YWHAZ: variants seen among roughly 807,000 people sequenced by gnomAD.
YWHAZ encodes the protein 14-3-3 protein zeta/delta.
For missense variants in YWHAZ, 79 were observed against 284.8 expected, an observed-to-expected ratio of 0.28 and a Z score of 5.20; for synonymous variants, 87 against 103.6, an observed-to-expected ratio of 0.84 and a Z score of 0.97.
At chr8:100,941,041 A>G (rs527332411) in intron 2 of YWHAZ, among the ~76,000 whole-genome samples, 8 of 152,352 alleles carry the variant, frequency 5.3e-5, no homozygotes, top group Non-Finnish European at 1.2e-4. Flanking sequence ...ACTCTTACAA[A>G]AAGCAGATTG....
At chr8:100,923,371 A>G (rs1813159272) in intron 5 of YWHAZ, 1 of 152,250 alleles carries the variant, frequency 6.6e-6, no homozygotes, top group African/African-American at 2.4e-5. Flanking sequence ...CCCAATTCAA[A>G]TAACTTAAAA....
chr8:100,934,292 C>T (rs1230369962), intron 2 of YWHAZ, among the ~76,000 whole-genome samples: 1 of 150,274 alleles, frequency 6.7e-6, no homozygotes. Flanking sequence ...CACCACTGCA[C>T]TCCAGCATGG....
intron 2 of YWHAZ, among the ~76,000 whole-genome samples, chr8:100,925,539 A>T (rs754990334): frequency 1.6e-4 from 24 of 152,226 alleles, no homozygotes; most frequent in Non-Finnish European, 3.4e-4. Flanking sequence ...TTCATTTATA[A>T]CAACACAATT....
At chr8:100,939,411 C>T (rs1814449066) in intron 2 of YWHAZ, among the ~76,000 whole-genome samples, 1 of 152,072 alleles carries the variant, frequency 6.6e-6, no homozygotes, top group South Asian at 2.1e-4. Flanking sequence ...TGTAATCAAT[C>T]CCACTTTGGA....
At chr8:100,935,988 AGGGT>A (rs1814120891) in intron 2 of YWHAZ, among the ~76,000 whole-genome samples, 1 of 152,192 alleles carries the variant, frequency 6.6e-6, no homozygotes, top group South Asian at 2.1e-4. Context: ...TTATAAACTA[AGGGT>A]CCTTAGACCA....
At chr8:100,952,159 G>A (rs556362271), upstream of YWHAZ, 1 of 985,336 alleles carries the variant, frequency 1.0e-6, no homozygotes, top group Non-Finnish European at 1.2e-6. Context: ...TGCCCACAGC[G>A]ATCGGGGCCC....
chr8:100,927,415 T>C (rs1012430652), intron 2 of YWHAZ, among the ~76,000 whole-genome samples: 16 of 152,192 alleles, frequency 1.1e-4, no homozygotes, highest in African/African-American at 3.4e-4. Flanking sequence ...TCCCAGCTAC[T>C]TGGAAGGCTG....
intron 2 of YWHAZ, among the ~76,000 whole-genome samples, chr8:100,935,899 G>C (rs1041104940): frequency 1.3e-5 from 2 of 152,068 alleles, no homozygotes; most frequent in Admixed American, 6.6e-5. Flanking sequence ...CTAACATAAT[G>C]AATTTCCCAC....
At position 100,948,956 on chromosome 8, in the gene YWHAZ, C is replaced by T. The variant is rs1376272938; in HGVS notation, c.-11-56G>A. 1 of 1,511,860 alleles carries T rather than the reference C, an allele frequency of 6.6e-7. No individual in the cohort carries two copies. The allele number at this position is 1,511,860 out of a possible 1,614,324, so 93.7% of individuals were successfully genotyped here. A position where few individuals can be genotyped will look rare whatever the true frequency, so the allele number is the denominator to read the frequency against. On this transcript the variant is annotated intron_variant, in intron 1 of 5. Coordinates refer to ENST00000395958, the MANE Select transcript of YWHAZ (RefSeq NM_145690.3). The surrounding 1 kb of genome is among the most constrained non-coding windows in gnomAD (Gnocchi z 4.2). ...TTTTTCCCATCAAAATAAACAGACT[C>T]AAAATTATACCTGTGGTAAATGAGT...
At chr8:100,937,029 A>G (rs1481127253) in intron 2 of YWHAZ, among the ~76,000 whole-genome samples, 1 of 152,170 alleles carries the variant, frequency 6.6e-6, no homozygotes, top group African/African-American at 2.4e-5. Flanking sequence ...CAGTAAAACA[A>G]TTTGCTAAAT....
intron 2 of YWHAZ, among the ~76,000 whole-genome samples, chr8:100,937,125 A>T (rs1814205120): frequency 6.6e-6 from 1 of 152,204 alleles, no homozygotes; most frequent in Admixed American, 6.5e-5. Flanking sequence ...AGTTATTAAC[A>T]TGTGGACAAT....
intron 2 of YWHAZ, among the ~76,000 whole-genome samples, chr8:100,931,607 G>A (rs1370763010): frequency 1.3e-5 from 2 of 152,024 alleles, no homozygotes; most frequent in Non-Finnish European, 2.9e-5. Context: ...TTACACAATA[G>A]CTAATCTTTA....
intron 2 of YWHAZ, among the ~76,000 whole-genome samples, chr8:100,925,579 C>T (rs114625990): frequency 1.2e-3 from 180 of 152,146 alleles, no homozygotes; most frequent in African/African-American, 4.0e-3. Flanking sequence ...ATAAAAAAAC[C>T]GTTCAAAAGT....
chr8:100,931,671 A>C (rs1221477131), intron 2 of YWHAZ, among the ~76,000 whole-genome samples: 1 of 152,170 alleles, frequency 6.6e-6, no homozygotes, highest in East Asian at 1.9e-4. Context: ...GGTCTAAATG[A>C]ACATATAAAC....
upstream of YWHAZ, chr8:100,952,086 C>T: frequency 1.0e-6 from 1 of 987,222 alleles, no homozygotes; most frequent in Non-Finnish European, 1.2e-6. Flanking sequence ...AATCACCAGC[C>T]CCGGCAGCAG....
At chr8:100,927,041 C>T (rs1813412145) in intron 2 of YWHAZ, among the ~76,000 whole-genome samples, 1 of 152,148 alleles carries the variant, frequency 6.6e-6, no homozygotes, top group South Asian at 2.1e-4. Flanking sequence ...GTTATCTCAC[C>T]TGTAAGGCAG....
At chr8:100,929,715 A>G (rs2130173677) in intron 2 of YWHAZ, among the ~76,000 whole-genome samples, 1 of 152,344 alleles carries the variant, frequency 6.6e-6, no homozygotes, top group Middle Eastern at 3.4e-3. Context: ...AAAAGAGGCA[A>G]TTAAGTATGT....
At chr8:100,946,549 C>G (rs1355078897) in intron 2 of YWHAZ, among the ~76,000 whole-genome samples, 1 of 151,932 alleles carries the variant, frequency 6.6e-6, no homozygotes, top group Non-Finnish European at 1.5e-5. Flanking sequence ...AAAACTCAGT[C>G]TCAAAACAAA....
At chr8:100,928,232 A>T (rs1813503371) in intron 2 of YWHAZ, among the ~76,000 whole-genome samples, 1 of 152,018 alleles carries the variant, frequency 6.6e-6, no homozygotes, top group East Asian at 1.9e-4. Context: ...GTGAGCTGAG[A>T]TAGTGCCACT....
Sources: gnomAD v4.1 joint callset for allele counts (sites outside exome capture counted in the v4.1 genomes callset) on GRCh38, gnomAD v4.1.1 for gene constraint, Gnocchi (gnomAD v3.1) non-coding constraint, MANE v1.5 for transcripts, NCBI Gene and HGNC (gene_info 2026-07-23, HGNC 2026-07-21) for gene names.